Variants in ZBTB20 observed in about 807,000 individuals in gnomAD.
ZBTB20 encodes the protein zinc finger and BTB domain containing 20.
Under a neutral mutation model 56.9 loss-of-function variants are expected in ZBTB20, and 9 were observed. The observed-to-expected ratio is 0.16, with a 90% confidence interval of 0.10 to 0.28. The LOEUF (loss-of-function observed/expected upper bound fraction) is 0.28. Among genes scored for constraint, ZBTB20 ranks in the 10% least tolerant of loss-of-function variants. ZBTB20 has a pLI of 1.00. For missense variants in ZBTB20, 655 were observed against 1,003.0 expected, an observed-to-expected ratio of 0.65 and a Z score of 4.69; for synonymous variants, 417 against 420.7, an observed-to-expected ratio of 0.99 and a Z score of 0.11.
intron 2 of ZBTB20, among the ~76,000 whole-genome samples, chr3:115,009,524 G>A (rs1181702744): frequency 6.6e-6 from 1 of 151,842 alleles, no homozygotes; most frequent in Non-Finnish European, 1.5e-5. Flanking sequence ...TTACATATGT[G>A]CATGTTCATG....
At chr3:114,976,080 A>T (rs2078086858) in intron 2 of ZBTB20, among the ~76,000 whole-genome samples, 1 of 152,196 alleles carries the variant, frequency 6.6e-6, no homozygotes, top group African/African-American at 2.4e-5. Flanking sequence ...GCAACTACAA[A>T]CTTCTACAAT....
chr3:115,085,992 C>T lies in ZBTB20; in HGVS notation c.-702-14578G>A, dbSNP rs115840837. On this transcript the variant is annotated intron_variant, in intron 1 of 11. Transcript: ENST00000675478. ...TAAATATAAGAAAAATGTACAAAAA[C>T]GGGCGTTGTATTTCTTTCTCTATTT... Among the ~76,000 whole-genome samples the T allele has an allele frequency of 4.2e-3, 636 of 151,874 alleles. 6 individuals are homozygous for T. Among genetic ancestry groups the T allele is most frequent in the African/African-American group, 0.015 (615 of 41,508 alleles).
chr3:115,065,840 G>A (rs1231305976), intron 2 of ZBTB20, among the ~76,000 whole-genome samples: 3 of 152,104 alleles, frequency 2.0e-5, no homozygotes, highest in Non-Finnish European at 4.4e-5. Context: ...TTACCATAGT[G>A]CCTCCTCAAA....
chr3:114,532,955 A>G (rs772854976), intron 6 of ZBTB20, among the ~76,000 whole-genome samples: 3 of 152,240 alleles, frequency 2.0e-5, no homozygotes, highest in Non-Finnish European at 4.4e-5. Context: ...CATTAACAAA[A>G]AAGATGTCCA....
chr3:115,047,683 C>T (rs1336494105), intron 2 of ZBTB20, among the ~76,000 whole-genome samples: 6 of 151,974 alleles, frequency 3.9e-5, no homozygotes, highest in African/African-American at 1.5e-4. Flanking sequence ...CATATTAACC[C>T]GGACATATTA....
At chr3:114,922,579 G>A (rs770082333) in intron 3 of ZBTB20, among the ~76,000 whole-genome samples, 3 of 152,166 alleles carry the variant, frequency 2.0e-5, no homozygotes, top group African/African-American at 7.2e-5. Context: ...TGTGGGCATT[G>A]CTTATTACCT....
rs769195966 is a variant in ZBTB20, at chr3:114,317,817, G to T, written c.*21188C>A. ...TGCAAGTTTGTGTGTGTGTGTGCTC[G>T]CATACATGAAACGCGAGTCCAAGGG... On this transcript the variant is annotated 3_prime_UTR_variant, in exon 12 of 12. Coordinates refer to ENST00000675478, the MANE Select transcript of ZBTB20 (RefSeq NM_001348800.3). The T allele has an allele frequency of 6.6e-6, 1 of 152,132 alleles. No homozygotes were observed. The highest frequency in any genetic ancestry group is 1.5e-5 in the Non-Finnish European group (1 of 68,030). The allele number at this position is 152,132 out of a possible 1,614,324, so 9.4% of individuals were successfully genotyped here.
At chr3:114,475,087 C>T (rs147840219) in intron 7 of ZBTB20, among the ~76,000 whole-genome samples, 85 of 152,252 alleles carry the variant, frequency 5.6e-4, no homozygotes, top group Non-Finnish European at 9.6e-4. Context: ...ATACTTTTAC[C>T]GCTTTATTTC....
chr3:114,373,005 C>T (rs1414079782), intron 10 of ZBTB20, among the ~76,000 whole-genome samples: 1 of 152,072 alleles, frequency 6.6e-6, no homozygotes, highest in Admixed American at 6.5e-5. Context: ...CAACCTCCGC[C>T]TCCTGGGTTC....
rs551822066 is a variant in ZBTB20 at position 114,778,918 on chromosome 3, T to C, written c.-343+22183A>G. Among the ~76,000 whole-genome samples the C allele has an allele frequency of 2.2e-3, 331 of 152,302 alleles. 2 individuals carry two copies. Among genetic ancestry groups the C allele is most frequent in the Non-Finnish European group, 1.6e-3 (111 of 68,020 alleles). On this transcript the variant is annotated intron_variant, in intron 5 of 11. Transcript: ENST00000675478. The stretch of plus-strand genomic sequence containing the variant: ...TAACTGATGATTAACATAACTACTG[T>C]ACCAAAAGAAAGATAACATAAGTCA...
intron 6 of ZBTB20, among the ~76,000 whole-genome samples, chr3:114,642,414 T>C (rs1239382737): frequency 1.3e-5 from 2 of 152,072 alleles, no homozygotes; most frequent in Admixed American, 6.6e-5. Flanking sequence ...TAACTGATAT[T>C]GGCAATCTAG....
intron 1 of ZBTB20, among the ~76,000 whole-genome samples, chr3:115,075,899 A>G (rs996913380): frequency 5.9e-5 from 9 of 152,148 alleles, no homozygotes; most frequent in Non-Finnish European, 1.2e-4. Context: ...CCATTAAAAA[A>G]CTGTTAGAAT....
intron 4 of ZBTB20, among the ~76,000 whole-genome samples, chr3:114,870,205 C>A (rs1288881712): frequency 1.3e-5 from 2 of 151,996 alleles, no homozygotes; most frequent in Non-Finnish European, 2.9e-5. Flanking sequence ...TAATTGGCTA[C>A]CTAATCCCCA....
chr3:115,009,306 C>T (rs2079603573), intron 2 of ZBTB20, among the ~76,000 whole-genome samples: 1 of 151,876 alleles, frequency 6.6e-6, no homozygotes, highest in Non-Finnish European at 1.5e-5. Context: ...CTCCCCACCC[C>T]ATCTGAATTC....
chr3:114,911,609 G>T (rs1393519932), intron 3 of ZBTB20, among the ~76,000 whole-genome samples: 1 of 151,728 alleles, frequency 6.6e-6, no homozygotes, highest in Non-Finnish European at 1.5e-5. Context: ...TAGCTGAAAA[G>T]TATGAAGACA....
intron 10 of ZBTB20, among the ~76,000 whole-genome samples, chr3:114,371,226 C>T (rs573920511): frequency 4.6e-5 from 7 of 152,284 alleles, no homozygotes; most frequent in African/African-American, 1.7e-4. Context: ...TCTAATAAAC[C>T]TACCTAGATA....
chr3:114,672,976 T>C (rs188465953), intron 6 of ZBTB20, among the ~76,000 whole-genome samples: 1 of 152,164 alleles, frequency 6.6e-6, no homozygotes, highest in African/African-American at 2.4e-5. Flanking sequence ...GAATCTGAAT[T>C]TTAAACTCAC....
At chr3:115,053,474 T>C (rs978961913) in intron 2 of ZBTB20, among the ~76,000 whole-genome samples, 1 of 152,170 alleles carries the variant, frequency 6.6e-6, no homozygotes, top group African/African-American at 2.4e-5. Context: ...ATAACTCCAA[T>C]CTCACTCAGG....
chr3:114,655,473 C>T (rs1284310123), intron 6 of ZBTB20, among the ~76,000 whole-genome samples: 2 of 151,116 alleles, frequency 1.3e-5, no homozygotes, highest in South Asian at 4.2e-4. Context: ...AGGATGGTCT[C>T]GATCTCCTGA....
Sources: gnomAD v4.1 joint callset for allele counts (sites outside exome capture counted in the v4.1 genomes callset) on GRCh38, gnomAD v4.1.1 for gene constraint, MANE v1.5 for transcripts, NCBI Gene and HGNC (gene_info 2026-07-23, HGNC 2026-07-21) for gene names.